C3orf22: variants seen among roughly 807,000 people sequenced by gnomAD.
C3orf22 encodes uncharacterized protein C3orf22.
Under a neutral mutation model 10.8 loss-of-function variants are expected in C3orf22, and 7 were observed. The ratio of observed to expected loss-of-function variants is 0.65; its 90% CI spans 0.37 to 1.22. The LOEUF is 1.22. C3orf22 is among the 50% of genes most tolerant of loss of function. The pLI is 0.02. For missense variants in C3orf22, 173 were observed against 177.0 expected (o/e 0.98, Z 0.13); for synonymous variants, 79 against 78.9 (o/e 1.00, Z 0.00).
chr3:126,538,460 C>A (rs533748706), intron 4 of C3orf22, among the ~76,000 whole-genome samples: 2 of 152,218 alleles, frequency 1.3e-5, no homozygotes, highest in Non-Finnish European at 2.9e-5. Flanking sequence ...AGGCCACATT[C>A]CCCCCGAACC....
chr3:126,530,112 C>A (rs1043781321), intron 4 of C3orf22, among the ~76,000 whole-genome samples: 4 of 152,250 alleles, frequency 2.6e-5, no homozygotes, highest in Admixed American at 6.5e-5. Flanking sequence ...AGATACCCCC[C>A]TTCTGACCTC....
chr3:126,552,004 C>T lies in C3orf22; in HGVS notation c.208G>A (p.Val70Ile), dbSNP rs201197161. 2.5e-6 allele frequency: 4 copies of T among 1,609,896 alleles called. No homozygotes were observed. The highest frequency in any genetic ancestry group is 3.4e-6 in the Non-Finnish European group (4 of 1,177,706). The stretch of plus-strand genomic sequence containing the variant: ...ATCAGGGCAGGGACTTACCCTCGGA[C>T]TGGGATGGACCTCGTTGGCACCAAC... ...KRLVPTRSIP[V>I]RGLGAPDFTS... Residue 70 changes from valine to isoleucine, a missense_variant, in exon 3 of 4, where the codon GTC (valine) becomes ATC (isoleucine). Physicochemically the swap from Val to Ile is conservative, Grantham distance 29. Transcript: ENST00000318225.
intron 4 of C3orf22, among the ~76,000 whole-genome samples, chr3:126,541,059 C>G (rs761777728): frequency 5.3e-5 from 8 of 152,156 alleles, no homozygotes; most frequent in Non-Finnish European, 1.2e-4. Context: ...GCCTGGGTCT[C>G]TACATGGCTG....
At chr3:126,534,416 C>T (rs1460925754) in intron 4 of C3orf22, among the ~76,000 whole-genome samples, 1 of 152,128 alleles carries the variant, frequency 6.6e-6, no homozygotes, top group East Asian at 1.9e-4. Flanking sequence ...CAGACAGCAT[C>T]CCTGTCCTCA....
intron 4 of C3orf22, among the ~76,000 whole-genome samples, chr3:126,539,628 C>T (rs1206500310): frequency 2.1e-5 from 3 of 144,464 alleles, no homozygotes; most frequent in African/African-American, 7.7e-5. Context: ...ACACAGCACA[C>T]ACACACCCCA....
At chr3:126,535,219 C>G (rs113568308) in intron 4 of C3orf22, among the ~76,000 whole-genome samples, 138 of 145,154 alleles carry the variant, frequency 9.5e-4, no homozygotes, top group African/African-American at 3.3e-3. Flanking sequence ...TGTCCCCAGC[C>G]GGTAGACAGA....
chr3:126,542,371 C>T (rs1385536154), intron 4 of C3orf22: 6 of 1,559,984 alleles, frequency 3.8e-6, no homozygotes, highest in African/African-American at 1.4e-5. Flanking sequence ...TGGCGGAGGA[C>T]GCGGCCTTCG....
chr3:126,558,474 C>A (rs1220183903), intron 1 of C3orf22, among the ~76,000 whole-genome samples, 153 bp downstream of exon 1: 1 of 152,216 alleles, frequency 6.6e-6, no homozygotes, highest in Non-Finnish European at 1.5e-5. Context: ...GCTGAATCTG[C>A]CCCACAGGGA....
chr3:126,535,033 C>CACAG (rs1355532067), intron 4 of C3orf22, among the ~76,000 whole-genome samples: 1 of 21,344 alleles, frequency 4.7e-5, no homozygotes, highest in Admixed American at 6.4e-4. Flanking sequence ...CCAGGAGACA[C>CACAG]ACAGCATCGC....
intron 1 of C3orf22, among the ~76,000 whole-genome samples, chr3:126,554,849 T>TG (rs896446049): frequency 1.3e-5 from 2 of 152,110 alleles, no homozygotes; most frequent in African/African-American, 2.4e-5. Context: ...ATTCCTGGTC[T>TG]GGGGGGCTGG....
intron 1 of C3orf22, among the ~76,000 whole-genome samples, chr3:126,555,866 C>G (rs561816212): frequency 1.3e-4 from 20 of 152,318 alleles, no homozygotes; most frequent in African/African-American, 3.1e-4. Context: ...CCACTGCCCT[C>G]TGGGAGGTCC....
At chr3:126,545,371 T>C (rs1937050956), downstream of C3orf22, among the ~76,000 whole-genome samples, 2 of 152,238 alleles carry the variant, frequency 1.3e-5, 1 homozygote, top group South Asian at 4.1e-4. Flanking sequence ...TTAAAATAAG[T>C]GTAAGTGCTC....
At chr3:126,545,667 G>A (rs1937055461), downstream of C3orf22, among the ~76,000 whole-genome samples, 1 of 152,230 alleles carries the variant, frequency 6.6e-6, no homozygotes, top group African/African-American at 2.4e-5. Flanking sequence ...GCTGCTGCAT[G>A]CAGCTCCAAA....
At chr3:126,536,048 C>T (rs968765362) in intron 4 of C3orf22, among the ~76,000 whole-genome samples, 3 of 152,162 alleles carry the variant, frequency 2.0e-5, no homozygotes, top group Non-Finnish European at 4.4e-5. Flanking sequence ...GAGGGTAGGA[C>T]ATGGGAGCAG....
At chr3:126,533,745 T>G (rs928540092) in intron 4 of C3orf22, among the ~76,000 whole-genome samples, 1 of 152,210 alleles carries the variant, frequency 6.6e-6, no homozygotes, top group Admixed American at 6.5e-5. Context: ...TGTAATGAGT[T>G]GGGAAGTGTT....
intron 1 of C3orf22, among the ~76,000 whole-genome samples, chr3:126,556,881 CAG>C (rs1491036443): frequency 6.7e-6 from 1 of 149,676 alleles, no homozygotes; most frequent in Non-Finnish European, 1.5e-5. Context: ...CACACACACA[CAG>C]ACTCACACAC....
At chr3:126,530,107 C>A (rs745378768) in intron 4 of C3orf22, among the ~76,000 whole-genome samples, 85 of 152,364 alleles carry the variant, frequency 5.6e-4, no homozygotes, top group Non-Finnish European at 7.8e-4. Flanking sequence ...CCTCAAGATA[C>A]CCCCCTTCTG....
downstream of C3orf22, among the ~76,000 whole-genome samples, chr3:126,548,083 C>A (rs1467235707): frequency 1.3e-5 from 2 of 152,236 alleles, no homozygotes; most frequent in Non-Finnish European, 2.9e-5. Context: ...CAACCTCCAC[C>A]TCTTGGGTTC....
chr3:126,539,442 C>A (rs35656703), intron 4 of C3orf22, among the ~76,000 whole-genome samples: 30,295 of 151,710 alleles, frequency 0.2, 3,539 homozygotes, highest in Admixed American at 0.26. Flanking sequence ...TACATGGACA[C>A]ACACACAACC....
Sources: allele counts gnomAD v4.1 joint callset (sites outside exome capture counted in the v4.1 genomes callset), GRCh38; gene constraint gnomAD v4.1.1; transcripts MANE v1.5; gene names NCBI Gene and HGNC (gene_info 2026-07-23, HGNC 2026-07-21).